The following GALNT13 variants were observed in gnomAD, a reference collection of about 807,000 sequenced individuals.
GALNT13 encodes UDP-GalNAc:polypeptide N-acetylgalactosaminyltransferase 13.
GALNT13 carries 28 observed loss-of-function variants against 64.2 expected under a neutral mutation model. The ratio of observed to expected loss-of-function variants is 0.44; its 90% CI spans 0.32 to 0.60. GALNT13 has a LOEUF of 0.60. Ranked by LOEUF, GALNT13 falls within the 20% of genes least tolerant of loss-of-function variation. GALNT13 has a pLI of 0.05. For synonymous variants in GALNT13, 214 were observed against 224.6 expected (o/e 0.95, Z 0.42); for missense variants, 577 against 669.8 (o/e 0.86, Z 1.53).
intron 9 of GALNT13, among the ~76,000 whole-genome samples, chr2:154,381,307 C>T (rs1049464317): frequency 1.3e-5 from 2 of 152,048 alleles, no homozygotes; most frequent in African/African-American, 4.8e-5. Flanking sequence ...ACCCACTCTT[C>T]TCTATCTCAT....
At chr2:154,377,980 T>C (rs1698079659) in intron 9 of GALNT13, among the ~76,000 whole-genome samples, 1 of 151,988 alleles carries the variant, frequency 6.6e-6, no homozygotes, top group Non-Finnish European at 1.5e-5. Flanking sequence ...CCTTTTGGAG[T>C]GCATTCCTTT....
intron 9 of GALNT13, among the ~76,000 whole-genome samples, chr2:154,322,758 T>C (rs1694692262): frequency 6.6e-6 from 1 of 152,052 alleles, no homozygotes; most frequent in East Asian, 1.9e-4. Flanking sequence ...TATGGCAGGA[T>C]TCTGTGGGTA....
chr2:153,708,376 G>T, the GALNT13 span, among the ~76,000 whole-genome samples: 1 of 152,092 alleles, frequency 6.6e-6, no homozygotes, highest in African/African-American at 2.4e-5. Context: ...TTATGACAGG[G>T]TGTAAAATAA....
the GALNT13 span, among the ~76,000 whole-genome samples, chr2:153,160,972 G>A: frequency 6.6e-6 from 1 of 152,180 alleles, no homozygotes; most frequent in East Asian, 1.9e-4. Context: ...CAGTGACGAT[G>A]TCTATGCAAG....
chr2:153,196,832 C>G, the GALNT13 span, among the ~76,000 whole-genome samples: 1 of 152,142 alleles, frequency 6.6e-6, no homozygotes, highest in Admixed American at 6.5e-5. Context: ...TGGCACCACC[C>G]TGGGCCCAGC....
At chr2:153,457,497 T>C in the GALNT13 span, among the ~76,000 whole-genome samples, 1 of 152,302 alleles carries the variant, frequency 6.6e-6, no homozygotes, top group South Asian at 2.1e-4. Flanking sequence ...ATCTCCTCTT[T>C]TAAAAATAAA....
the GALNT13 span, among the ~76,000 whole-genome samples, chr2:153,457,369 G>A: frequency 2.6e-5 from 4 of 152,138 alleles, no homozygotes; most frequent in Non-Finnish European, 5.9e-5. Flanking sequence ...GCTAATAAAA[G>A]TATTTAACTA....
At chr2:154,330,430 T>C (rs1320195510) in intron 9 of GALNT13, among the ~76,000 whole-genome samples, 2 of 152,128 alleles carry the variant, frequency 1.3e-5, no homozygotes, top group Non-Finnish European at 2.9e-5. Context: ...TGTTCTCATG[T>C]TCCTTTACCT....
Position 154,452,019 on chromosome 2 carries a change from T to C in GALNT13, c.*1468T>C, listed in dbSNP as rs554898323. ...TCTGACATGCACATACACTGCTTTA[T>C]AATGAAAATGAGGACACTTTCTGAT... On this transcript the variant is annotated 3_prime_UTR_variant, in exon 13 of 13. Transcript: ENST00000392825. The C allele has an allele frequency of 6.6e-6, 1 of 152,244 alleles. No homozygotes were observed. The highest frequency in any genetic ancestry group is 2.4e-5 in the African/African-American group (1 of 41,570). 9.4% of individuals were successfully genotyped at this position (152,244 alleles called of 1,614,324 possible).
At chr2:154,072,382 T>C in intron 3 of GALNT13, among the ~76,000 whole-genome samples, 1 of 152,128 alleles carries the variant, frequency 6.6e-6, no homozygotes, top group East Asian at 1.9e-4. Context: ...AATTCTGAAT[T>C]CTTTATAATT....
intron 3 of GALNT13, among the ~76,000 whole-genome samples, chr2:154,105,827 A>G (rs1171352118): frequency 6.6e-6 from 1 of 152,162 alleles, no homozygotes; most frequent in Non-Finnish European, 1.5e-5. Context: ...CAGTGAAGAG[A>G]CTAAATTTTT....
the GALNT13 span, among the ~76,000 whole-genome samples, chr2:153,388,838 C>A: frequency 6.6e-6 from 1 of 151,984 alleles, no homozygotes; most frequent in Non-Finnish European, 1.5e-5. Context: ...CTGTCGATTT[C>A]TCTGTTTTGA....
In GALNT13 at chr2:154,140,426, T is replaced by C. The variant is rs1683195173; in HGVS notation, c.232T>C (p.Phe78Leu). The change falls in exon 4 of 13, where the codon TTT becomes CTT. Residue 78 changes from phenylalanine to leucine, a missense_variant. Around this residue, in one of 3 missense-constraint regions of GALNT13, gnomAD observed 341 missense variants for 379.3 expected, o/e 0.90. Transcript: ENST00000392825. ...TGACCAGGAGAAAATGAAAGAGCTG[T>C]TTAAAATCAATCAGTTTAACCTTAT... ...KDDQEKMKELFKINQFNLMAS... is the reference protein window; with the variant it reads ...KDDQEKMKELLKINQFNLMAS... 1 of 1,612,556 alleles carries C rather than the reference T, an allele frequency of 6.2e-7. No homozygotes were observed. The highest frequency in any genetic ancestry group is 1.1e-5 in the South Asian group (1 of 91,054).
At chr2:153,815,052 G>C in the GALNT13 span, among the ~76,000 whole-genome samples, 1 of 152,096 alleles carries the variant, frequency 6.6e-6, no homozygotes, top group Non-Finnish European at 1.5e-5. Flanking sequence ...GCTAAATACA[G>C]CTAAAATATT....
At chr2:153,142,728 C>T in the GALNT13 span, among the ~76,000 whole-genome samples, 1 of 151,812 alleles carries the variant, frequency 6.6e-6, no homozygotes, top group Non-Finnish European at 1.5e-5. Context: ...GGAAGATTGA[C>T]AAGAAGTCCT....
the GALNT13 span, among the ~76,000 whole-genome samples, chr2:153,758,312 T>G: frequency 6.6e-6 from 1 of 152,000 alleles, no homozygotes; most frequent in South Asian, 2.1e-4. Context: ...GTTTTTTTTT[T>G]TTTGGCTCTC....
chr2:153,405,455 C>T, the GALNT13 span, among the ~76,000 whole-genome samples: 1 of 152,188 alleles, frequency 6.6e-6, no homozygotes, highest in African/African-American at 2.4e-5. Flanking sequence ...GGGGCCTGTG[C>T]AGCTTAGTGA....
At chr2:153,300,061 C>T in the GALNT13 span, among the ~76,000 whole-genome samples, 1 of 152,182 alleles carries the variant, frequency 6.6e-6, no homozygotes, top group Non-Finnish European at 1.5e-5. Flanking sequence ...CCACATTCCA[C>T]AAGCTGTTAG....
chr2:153,865,419 A>C, the GALNT13 span, among the ~76,000 whole-genome samples: 1 of 144,688 alleles, frequency 6.9e-6, no homozygotes, highest in Non-Finnish European at 1.5e-5. Flanking sequence ...CATCTGACAA[A>C]GGGCTAATAT....
Sources: allele counts gnomAD v4.1 joint callset (sites outside exome capture counted in the v4.1 genomes callset), GRCh38; gene constraint gnomAD v4.1.1; regional missense constraint gnomAD v4.1.1; transcripts MANE v1.5; gene names NCBI Gene and HGNC (gene_info 2026-07-23, HGNC 2026-07-21).